Variants in FBXO4 observed in about 807,000 individuals in gnomAD.
The protein encoded by FBXO4 is F-box protein 4.
A neutral mutation model predicts 43.7 loss-of-function variants in FBXO4; 36 were observed. That is an observed-to-expected ratio of 0.82 (90% CI 0.63 to 1.09). The LOEUF (loss-of-function observed/expected upper bound fraction) is 1.09, where lower values mean the gene tolerates loss of function less well. Among genes scored for constraint, FBXO4 ranks in the 50% least tolerant of loss-of-function variants. FBXO4 has a pLI of 0.00. For synonymous variants in FBXO4, 180 were observed against 165.6 expected (o/e 1.09, Z -0.67); for missense variants, 435 against 474.1 (o/e 0.92, Z 0.77).
the FBXO4 span, among the ~76,000 whole-genome samples, chr5:42,009,178 T>C: frequency 3.3e-5 from 5 of 152,146 alleles, no homozygotes; most frequent in Non-Finnish European, 5.9e-5. Context: ...TTCTAAGCAC[T>C]AACACCTGAT....
chr5:42,033,424 C>T, the FBXO4 span, among the ~76,000 whole-genome samples: 205 of 152,134 alleles, frequency 1.3e-3, 1 homozygote, highest in African/African-American at 4.7e-3. Context: ...AAGTGCAGAA[C>T]GTGTAGGTTT....
At chr5:42,011,033 A>C in the FBXO4 span, among the ~76,000 whole-genome samples, 142,704 of 152,148 alleles carry the variant, frequency 0.94, 67,237 homozygotes, top group African/African-American at 0.98. Flanking sequence ...CCTAGCCCCC[A>C]ACCCAGTGAC....
At chr5:42,018,711 T>C in the FBXO4 span, among the ~76,000 whole-genome samples, 4 of 152,156 alleles carry the variant, frequency 2.6e-5, no homozygotes, top group African/African-American at 7.2e-5. Context: ...TTTACCTTTT[T>C]CCCCCAAAAG....
chr5:41,969,144 C>T, the FBXO4 span, among the ~76,000 whole-genome samples: 6 of 152,314 alleles, frequency 3.9e-5, no homozygotes, highest in African/African-American at 1.2e-4. Flanking sequence ...GATAGAGCAG[C>T]CAAGGGTTGG....
At chr5:41,955,164 T>A in the FBXO4 span, among the ~76,000 whole-genome samples, 3 of 152,180 alleles carry the variant, frequency 2.0e-5, no homozygotes, top group Non-Finnish European at 4.4e-5. Context: ...ATCTCTAAGC[T>A]TCTGCTTATA....
intron 5 of FBXO4, among the ~76,000 whole-genome samples, chr5:41,937,026 G>A (rs949442030): frequency 1.3e-5 from 2 of 152,114 alleles, no homozygotes; most frequent in African/African-American, 2.4e-5. Context: ...CCCACAGAAT[G>A]TAGTAGGCTG....
chr5:41,969,634 T>A, the FBXO4 span, among the ~76,000 whole-genome samples: 9 of 152,198 alleles, frequency 5.9e-5, no homozygotes, highest in Non-Finnish European at 1.0e-4. Context: ...CAGTTTTTGA[T>A]TACTGTAAAC....
At chr5:41,948,675 TAA>T in the FBXO4 span, among the ~76,000 whole-genome samples, 1 of 152,208 alleles carries the variant, frequency 6.6e-6, no homozygotes, top group Non-Finnish European at 1.5e-5. Context: ...TAAAAGAAAT[TAA>T]GATAGTCTTT....
the FBXO4 span, among the ~76,000 whole-genome samples, chr5:42,022,093 T>G: frequency 6.6e-6 from 1 of 152,142 alleles, no homozygotes; most frequent in African/African-American, 2.4e-5. Context: ...GATGATCTCA[T>G]TCATAAGAAG....
At chr5:42,028,367 C>T in the FBXO4 span, among the ~76,000 whole-genome samples, 1 of 151,828 alleles carries the variant, frequency 6.6e-6, no homozygotes, top group Non-Finnish European at 1.5e-5. Flanking sequence ...TTTCCATTGG[C>T]ATGGAATTAT....
intron 2 of FBXO4, 98 bp downstream of exon 2, chr5:41,927,346 GC>G: frequency 1.1e-6 from 1 of 904,268 alleles, no homozygotes; most frequent in Non-Finnish European, 1.7e-6. Context: ...CTGATTTGTT[GC>G]GTGGATTTGG....
At chr5:41,958,751 A>G in the FBXO4 span, among the ~76,000 whole-genome samples, 1 of 152,244 alleles carries the variant, frequency 6.6e-6, no homozygotes, top group African/African-American at 2.4e-5. Context: ...AGAATGGAAC[A>G]GTATTCCATT....
At chr5:42,030,800 T>C in the FBXO4 span, among the ~76,000 whole-genome samples, 1 of 152,126 alleles carries the variant, frequency 6.6e-6, no homozygotes, top group African/African-American at 2.4e-5. Flanking sequence ...GGGTGAGGGA[T>C]ATGAACAGAC....
chr5:41,987,872 G>T, the FBXO4 span, among the ~76,000 whole-genome samples: 2 of 152,168 alleles, frequency 1.3e-5, no homozygotes, highest in African/African-American at 4.8e-5. Context: ...TTACTTGTCT[G>T]TTCTTGTATG....
the FBXO4 span, among the ~76,000 whole-genome samples, chr5:41,947,821 G>T: frequency 1.3e-5 from 2 of 152,166 alleles, no homozygotes; most frequent in African/African-American, 4.8e-5. Flanking sequence ...ATCATGGGAG[G>T]CTGACATCAA....
At chr5:42,010,507 C>CAAA in the FBXO4 span, among the ~76,000 whole-genome samples, 2 of 106,456 alleles carry the variant, frequency 1.9e-5, no homozygotes, top group Non-Finnish European at 4.1e-5. Context: ...GCCTCCATCT[C>CAAA]AAAAAAAAAA....
At chr5:41,982,691 C>T in the FBXO4 span, among the ~76,000 whole-genome samples, 2 of 151,898 alleles carry the variant, frequency 1.3e-5, no homozygotes, top group African/African-American at 2.4e-5. Context: ...TTGATATAGT[C>T]GAATTTATTG....
downstream of FBXO4, among the ~76,000 whole-genome samples, chr5:41,946,521 G>A (rs1752079438): frequency 6.6e-6 from 1 of 152,170 alleles, no homozygotes; most frequent in African/African-American, 2.4e-5. Context: ...CTTGCCTTGA[G>A]TAATTTTCCA....
Position 41,930,247 on chromosome 5 carries a change from A to G in FBXO4, c.646+330A>G, listed in dbSNP as rs1751642867. The G allele has an allele frequency of 9.7e-6, 2 of 206,562 alleles. 1 individual carries two copies. Among genetic ancestry groups the G allele is most frequent in the Admixed American group, 1.1e-4 (2 of 17,920 alleles). The allele number at this position is 206,562 out of a possible 1,614,324, so 12.8% of individuals were successfully genotyped here. ...AAAATTGAGCATCTGTGTGGAGAGTATTTTGATATGTATTGGAATTCAAAA... is the reference window on the plus strand; with the variant it reads ...AAAATTGAGCATCTGTGTGGAGAGTGTTTTGATATGTATTGGAATTCAAAA... On this transcript the variant is annotated intron_variant, in intron 3 of 6. Coordinates refer to ENST00000281623, the MANE Select transcript of FBXO4 (RefSeq NM_012176.3).
Sources: gnomAD v4.1 joint callset for allele counts (sites outside exome capture counted in the v4.1 genomes callset) on GRCh38, gnomAD v4.1.1 for gene constraint, MANE v1.5 for transcripts, NCBI Gene and HGNC (gene_info 2026-07-23, HGNC 2026-07-21) for gene names.